LRRC7: variants seen among roughly 807,000 people sequenced by gnomAD.
LRRC7 encodes leucine-rich repeat-containing protein 7.
In LRRC7, 23 loss-of-function variants were observed where a neutral mutation model predicts 175.7. The ratio of observed to expected loss-of-function variants is 0.13; its 90% CI spans 0.09 to 0.19. LRRC7 has a LOEUF of 0.19. Ranked by LOEUF, LRRC7 falls within the 10% of genes least tolerant of loss-of-function variation. The pLI, the probability that LRRC7 is intolerant of heterozygous loss-of-function variation, is 1.00. For missense variants in LRRC7, 1,354 were observed against 1,904.7 expected, an observed-to-expected ratio of 0.71 and a Z score of 5.38; for synonymous variants, 685 against 680.9, an observed-to-expected ratio of 1.01 and a Z score of -0.09.
At chr1:69,983,354 G>A (rs1258281082) in intron 9 of LRRC7, among the ~76,000 whole-genome samples, 1 of 152,212 alleles carries the variant, frequency 6.6e-6, no homozygotes, top group Admixed American at 6.5e-5. Flanking sequence ...AATGGACTTT[G>A]TAGCCTGTAG....
At chr1:70,092,916 G>A (rs12033206) in intron 25 of LRRC7, among the ~76,000 whole-genome samples, 42,093 of 152,010 alleles carry the variant, frequency 0.28, 7,095 homozygotes, top group Non-Finnish European at 0.37. Flanking sequence ...ATCCAAGGTA[G>A]TCTTGATCAA....
intron 17 of LRRC7, among the ~76,000 whole-genome samples, chr1:70,023,606 G>T (rs757563742): frequency 2.3e-4 from 35 of 151,722 alleles, no homozygotes; most frequent in Admixed American, 6.6e-5. Flanking sequence ...CTATTGGTGG[G>T]ATATCTGGCA....
chr1:69,772,249 T>A (rs1441393823), intron 3 of LRRC7, among the ~76,000 whole-genome samples: 1 of 152,152 alleles, frequency 6.6e-6, no homozygotes, highest in African/African-American at 2.4e-5. Context: ...GAGTTCTGAA[T>A]GACAGCGAGG....
chr1:70,106,650 G>T (rs1665165756), intron 25 of LRRC7, among the ~76,000 whole-genome samples: 1 of 152,050 alleles, frequency 6.6e-6, no homozygotes, highest in African/African-American at 2.4e-5. Context: ...TCTTAATCTT[G>T]CCCTAACCTA....
chr1:69,910,960 C>T (rs1038663885), intron 7 of LRRC7, among the ~76,000 whole-genome samples: 12 of 152,166 alleles, frequency 7.9e-5, no homozygotes, highest in African/African-American at 2.9e-4. Flanking sequence ...ACTGCTATGC[C>T]AGCAATCAGG....
At chr1:69,769,013 T>G (rs1398279216) in intron 3 of LRRC7, among the ~76,000 whole-genome samples, 1 of 152,214 alleles carries the variant, frequency 6.6e-6, no homozygotes, top group Non-Finnish European at 1.5e-5. Flanking sequence ...TATTTTGTGA[T>G]TCACTAGTAT....
chr1:69,691,036 A>G (rs1420323731), intron 2 of LRRC7, among the ~76,000 whole-genome samples: 2 of 152,186 alleles, frequency 1.3e-5, no homozygotes, highest in Non-Finnish European at 2.9e-5. Context: ...ACAATGTTTC[A>G]TAATGTTCAG....
intron 7 of LRRC7, among the ~76,000 whole-genome samples, chr1:69,902,983 CA>C (rs1490872171): frequency 2.0e-5 from 3 of 152,116 alleles, no homozygotes; most frequent in African/African-American, 4.8e-5. Flanking sequence ...TTTTATTGTA[CA>C]GTCCATTATT....
chr1:69,636,974 C>A (rs1195412029), intron 1 of LRRC7, among the ~76,000 whole-genome samples: 1 of 150,808 alleles, frequency 6.6e-6, no homozygotes, highest in African/African-American at 2.4e-5. Context: ...CTCTAATTTT[C>A]TTCTCTCATA....
chr1:69,661,469 C>T (rs1657464830), intron 1 of LRRC7, among the ~76,000 whole-genome samples: 1 of 152,114 alleles, frequency 6.6e-6, no homozygotes. Context: ...TGAGTCATAG[C>T]CATCAAACAG....
intron 1 of LRRC7, among the ~76,000 whole-genome samples, chr1:69,628,891 T>A (rs1652026949): frequency 6.6e-6 from 1 of 152,152 alleles, no homozygotes; most frequent in African/African-American, 2.4e-5. Flanking sequence ...CTTCAACAAA[T>A]GTGCTAGAAC....
In LRRC7 at chr1:70,021,001, G is replaced by A. The variant is rs766930776; in HGVS notation, c.1421-4G>A. On this transcript the variant is annotated splice_region_variant and splice_polypyrimidine_tract_variant and intron_variant, in intron 15 of 26. Transcript: ENST00000651989. ...AACAATAATACTTTGGAATCTAACT[G>A]TAGATTTCCAGTCAGACAGTGACAG... is the stretch of plus-strand genomic sequence containing the variant. 1 of 1,600,382 alleles carries A rather than the reference G, an allele frequency of 6.2e-7. No homozygotes were observed. Among genetic ancestry groups the A allele is most frequent in the East Asian group, 2.2e-5 (1 of 44,534 alleles).
chr1:70,082,786 T>C lies in LRRC7; in HGVS notation c.4452+6488T>C, dbSNP rs1306298862. Reference sequence around the variant, plus strand: ...GTCAATCTTGATACCAGTACATTTTTTTTTTTTTTTTTTTTTTTTTTTTTT... The same window carrying C: ...GTCAATCTTGATACCAGTACATTTTCTTTTTTTTTTTTTTTTTTTTTTTTT... On this transcript the variant is annotated intron_variant, in intron 24 of 26. Transcript: ENST00000651989. Among the ~76,000 whole-genome samples, 368 of 93,806 alleles carry C rather than the reference T, an allele frequency of 3.9e-3. 74 individuals are homozygous for C. The highest frequency in any genetic ancestry group is 8.3e-3 in the African/African-American group (197 of 23,804). The allele number at this position is 93,806 out of a possible 152,430, so 61.5% of individuals were successfully genotyped here. A position where few individuals can be genotyped will look rare whatever the true frequency, so the allele number is the denominator to read the frequency against.
At chr1:69,917,219 A>C (rs1271704764) in intron 7 of LRRC7, among the ~76,000 whole-genome samples, 1 of 152,188 alleles carries the variant, frequency 6.6e-6, no homozygotes, top group African/African-American at 2.4e-5. Context: ...AGTTAGCATT[A>C]CTGATGGAGA....
At chr1:69,953,159 G>A (rs529773566) in intron 8 of LRRC7, among the ~76,000 whole-genome samples, 6 of 151,962 alleles carry the variant, frequency 3.9e-5, no homozygotes, top group Non-Finnish European at 5.9e-5. Flanking sequence ...TGTTCTTCTC[G>A]TAGTCTTTAC....
intron 7 of LRRC7, among the ~76,000 whole-genome samples, chr1:69,907,705 C>T (rs1425688819): frequency 2.0e-5 from 3 of 152,058 alleles, no homozygotes; most frequent in Non-Finnish European, 4.4e-5. Flanking sequence ...TCATCAAGGA[C>T]ACTGGTCTAA....
chr1:69,642,657 C>T (rs571546299), intron 1 of LRRC7, among the ~76,000 whole-genome samples: 1 of 152,002 alleles, frequency 6.6e-6, no homozygotes, highest in Non-Finnish European at 1.5e-5. Flanking sequence ...CTGATAAAAT[C>T]ATGCCAGTTA....
intron 23 of LRRC7, among the ~76,000 whole-genome samples, chr1:70,058,949 A>G (rs1661365090): frequency 1.3e-5 from 2 of 150,510 alleles, no homozygotes; most frequent in African/African-American, 4.9e-5. Context: ...GAATATCCAT[A>G]AAATGTTAAA....
chr1:69,904,783 A>T (rs541910796), intron 7 of LRRC7, among the ~76,000 whole-genome samples: 1 of 152,238 alleles, frequency 6.6e-6, no homozygotes, highest in Admixed American at 6.5e-5. Context: ...GGTAATGAGC[A>T]TCATACCCAA....
Sources: allele counts gnomAD v4.1 joint callset (sites outside exome capture counted in the v4.1 genomes callset), GRCh38; gene constraint gnomAD v4.1.1; transcripts MANE v1.5; gene names NCBI Gene and HGNC (gene_info 2026-07-23, HGNC 2026-07-21).